CCDC171: variants seen among roughly 807,000 people sequenced by gnomAD.
CCDC171 encodes coiled-coil domain containing 171, also known as coiled-coil domain-containing protein 171.
Under a neutral mutation model 168.2 loss-of-function variants are expected in CCDC171, and 177 were observed. That is an observed-to-expected ratio of 1.05 (90% CI 0.93 to 1.19). The LOEUF (loss-of-function observed/expected upper bound fraction) is 1.19, where lower values mean the gene tolerates loss of function less well. Among genes scored for constraint, CCDC171 ranks in the 50% most tolerant of loss-of-function variants. CCDC171 has a pLI of 0.00. For missense variants in CCDC171, 1,991 were observed against 1,539.0 expected, an observed-to-expected ratio of 1.29 and a Z score of -4.91; for synonymous variants, 687 against 540.8, an observed-to-expected ratio of 1.27 and a Z score of -3.75.
Position 15,966,436 on chromosome 9 carries a change from A to G in CCDC171, c.3754-5173A>G, listed in dbSNP as rs541345554. Among the ~76,000 whole-genome samples the G allele has an allele frequency of 2.7e-3, 410 of 152,324 alleles. 2 individuals are homozygous for G. Among genetic ancestry groups the G allele is most frequent in the African/African-American group, 9.2e-3 (383 of 41,578 alleles). ...ACAGGGAAGCCAAGAGCAAGGGCAT[A>G]GGTATAGGGAAGCATGAAGAATCAA... On this transcript the variant is annotated intron_variant, in intron 25 of 25. Transcript: ENST00000380701.
intron 11 of CCDC171, among the ~76,000 whole-genome samples, chr9:15,697,545 G>T (rs982769276): frequency 4.6e-5 from 7 of 152,094 alleles, no homozygotes; most frequent in Non-Finnish European, 8.8e-5. Context: ...CTCTGTTTCT[G>T]CTCAGATTGG....
chr9:15,726,127 T>C (rs2053784304), intron 14 of CCDC171, among the ~76,000 whole-genome samples: 1 of 152,150 alleles, frequency 6.6e-6, no homozygotes, highest in South Asian at 2.1e-4. Context: ...TTCTTTCCAC[T>C]CTTTTTACAG....
intron 7 of CCDC171, among the ~76,000 whole-genome samples, chr9:15,648,961 C>T (rs1182740939): frequency 1.3e-5 from 2 of 152,048 alleles, no homozygotes; most frequent in Non-Finnish European, 2.9e-5. Flanking sequence ...GCCGAAAGAA[C>T]AAAGCTAGAG....
intron 4 of CCDC171, 113 bp from the exon 5 acceptor site, chr9:15,591,253 T>A (rs1017842204): frequency 1.6e-6 from 1 of 632,834 alleles, no homozygotes; most frequent in Non-Finnish European, 2.7e-6. Flanking sequence ...AAAGGTTAAA[T>A]GTTTTATCCT....
intron 4 of CCDC171, among the ~76,000 whole-genome samples, chr9:15,589,947 C>T (rs1563997880): frequency 6.6e-6 from 1 of 152,124 alleles, no homozygotes; most frequent in Admixed American, 6.5e-5. Context: ...GATAACATCT[C>T]AGAACTAAAG....
intron 20 of CCDC171, among the ~76,000 whole-genome samples, chr9:15,782,502 A>G (rs1276357648): frequency 6.6e-6 from 1 of 152,178 alleles, no homozygotes; most frequent in Non-Finnish European, 1.5e-5. Context: ...GAAATTTTGG[A>G]GGATTGTGAA....
At chr9:15,642,516 C>G (rs1057170116) in intron 7 of CCDC171, among the ~76,000 whole-genome samples, 6 of 151,282 alleles carry the variant, frequency 4.0e-5, no homozygotes, top group Admixed American at 3.9e-4. Flanking sequence ...TTTTTTTGAG[C>G]AGCATGTTGA....
the CCDC171 span, among the ~76,000 whole-genome samples, chr9:16,096,122 A>G: frequency 1.3e-5 from 2 of 152,086 alleles, no homozygotes; most frequent in Admixed American, 1.3e-4. Flanking sequence ...CGTGGAATTT[A>G]TTCATGTTTT....
chr9:15,922,147 C>A, intron 25 of CCDC171: 1 of 411,210 alleles, frequency 2.4e-6, no homozygotes, highest in Non-Finnish European at 5.1e-6. Flanking sequence ...AGATGGTTCA[C>A]CCTGTAGTGA....
At chr9:15,561,017 A>C (rs987047916) in intron 1 of CCDC171, among the ~76,000 whole-genome samples, 2 of 152,106 alleles carry the variant, frequency 1.3e-5, no homozygotes, top group African/African-American at 4.8e-5. Flanking sequence ...CCTGGATATC[A>C]CTAGCGGAAG....
At chr9:15,927,234 G>A (rs778438531) in intron 25 of CCDC171, among the ~76,000 whole-genome samples, 1 of 151,480 alleles carries the variant, frequency 6.6e-6, no homozygotes, top group African/African-American at 2.4e-5. Context: ...AACTTTTCCG[G>A]TATGTTGGTC....
At chr9:15,988,737 G>T (rs1023399374) in intron 3 of CCDC171, among the ~76,000 whole-genome samples, 2 of 152,288 alleles carry the variant, frequency 1.3e-5, no homozygotes, top group Non-Finnish European at 2.9e-5. Context: ...CCCTAATACT[G>T]CACTTTTCCA....
chr9:15,838,192 C>T (rs895015454), intron 21 of CCDC171, among the ~76,000 whole-genome samples: 24 of 152,026 alleles, frequency 1.6e-4, no homozygotes, highest in African/African-American at 2.9e-4. Context: ...CTCTGAGTAA[C>T]GTAAAAGTAA....
At position 15,723,667 on chromosome 9, in the gene CCDC171, T is replaced by G; in HGVS notation, c.1426-14T>G. On this transcript the variant is annotated splice_polypyrimidine_tract_variant and intron_variant, in intron 12 of 25. Coordinates refer to ENST00000380701, the MANE Select transcript of CCDC171 (RefSeq NM_173550.4). The stretch of plus-strand genomic sequence containing the variant: ...ATTTTCTTTCATCAGCTAAACAGCA[T>G]GAATGATGTTAAGGAAAAGGCATGT... 1 of 1,584,006 alleles carries G rather than the reference T, an allele frequency of 6.3e-7. No individual in the cohort carries two copies. Among genetic ancestry groups the G allele is most frequent in the Non-Finnish European group, 8.6e-7 (1 of 1,161,656 alleles).
chr9:15,992,519 T>G (rs1213913419), intron 3 of CCDC171, among the ~76,000 whole-genome samples: 1 of 152,200 alleles, frequency 6.6e-6, no homozygotes, highest in Admixed American at 6.5e-5. Flanking sequence ...AAGCATTCCC[T>G]TTGAAAACGG....
intron 21 of CCDC171, among the ~76,000 whole-genome samples, chr9:15,792,501 T>A (rs199760592): frequency 3.9e-5 from 6 of 152,102 alleles, no homozygotes; most frequent in African/African-American, 7.2e-5. Flanking sequence ...TGAGAAGAGC[T>A]ACTCCAAGAC....
At chr9:15,764,593 A>G (rs1037649423) in intron 18 of CCDC171, among the ~76,000 whole-genome samples, 8 of 152,192 alleles carry the variant, frequency 5.3e-5, no homozygotes, top group Non-Finnish European at 8.8e-5. Flanking sequence ...TAGAGAAGGA[A>G]CAAGTAGGAA....
At chr9:15,701,540 A>G (rs905078907) in intron 11 of CCDC171, among the ~76,000 whole-genome samples, 2 of 149,306 alleles carry the variant, frequency 1.3e-5, no homozygotes, top group African/African-American at 2.5e-5. Flanking sequence ...GTACCATGCC[A>G]TGCTATTTGA....
intron 21 of CCDC171, among the ~76,000 whole-genome samples, chr9:15,791,714 G>T (rs2058274861): frequency 6.6e-6 from 1 of 152,196 alleles, no homozygotes; most frequent in South Asian, 2.1e-4. Flanking sequence ...CGGCAAACAG[G>T]GTCTGGAGTG....
Sources: allele counts gnomAD v4.1 joint callset (sites outside exome capture counted in the v4.1 genomes callset), GRCh38; gene constraint gnomAD v4.1.1; transcripts MANE v1.5; gene names NCBI Gene and HGNC (gene_info 2026-07-23, HGNC 2026-07-21).